Variants in XRCC4 observed in about 807,000 individuals in gnomAD.
The protein encoded by XRCC4 is DNA repair protein XRCC4.
Under a neutral mutation model 39.1 loss-of-function variants are expected in XRCC4, and 28 were observed. The observed-to-expected ratio is 0.72, with a 90% CI of 0.53 to 0.98. The LOEUF (loss-of-function observed/expected upper bound fraction) is 0.98, where lower values mean the gene tolerates loss of function less well. Among genes scored for constraint, XRCC4 ranks in the 50% least tolerant of loss-of-function variants. The probability of loss-of-function intolerance (pLI) is 0.00; values close to 1 mark genes in which losing one functional copy is unlikely to be tolerated. For synonymous variants in XRCC4, 123 were observed against 126.4 expected (o/e 0.97, Z 0.18); for missense variants, 350 against 376.4 (o/e 0.93, Z 0.58).
chr5:83,091,407 A>C (rs1030476778), intron 1 of XRCC4, among the ~76,000 whole-genome samples: 2 of 152,168 alleles, frequency 1.3e-5, no homozygotes, highest in African/African-American at 4.8e-5. Context: ...GCATGGGGGA[A>C]GTCGTCCCTG....
chr5:83,297,516 A>G (rs972525608), intron 7 of XRCC4, among the ~76,000 whole-genome samples: 21 of 152,008 alleles, frequency 1.4e-4, no homozygotes, highest in African/African-American at 4.6e-4. Flanking sequence ...TTAAATGAAT[A>G]CACCAATACA....
intron 7 of XRCC4, among the ~76,000 whole-genome samples, chr5:83,292,351 A>G (rs1386717131): frequency 6.6e-6 from 1 of 151,972 alleles, no homozygotes; most frequent in Non-Finnish European, 1.5e-5. Context: ...GTTTCTGATT[A>G]TAATTATTAT....
intron 7 of XRCC4, among the ~76,000 whole-genome samples, chr5:83,324,802 A>C (rs1756193895): frequency 1.3e-5 from 2 of 152,106 alleles, no homozygotes; most frequent in African/African-American, 4.8e-5. Flanking sequence ...AGGGAGAGTA[A>C]AGATTTTGAT....
At chr5:83,125,479 C>G (rs942579589) in intron 3 of XRCC4, among the ~76,000 whole-genome samples, 21 of 152,160 alleles carry the variant, frequency 1.4e-4, no homozygotes, top group Non-Finnish European at 1.5e-5. Flanking sequence ...GGTTGAGGTT[C>G]ACTTTCTTGG....
intron 7 of XRCC4, among the ~76,000 whole-genome samples, chr5:83,293,806 G>A (rs866993289): frequency 3.9e-5 from 6 of 151,954 alleles, no homozygotes; most frequent in Non-Finnish European, 8.8e-5. Context: ...GTGTGTTTAT[G>A]TCAGATCCTA....
intron 1 of XRCC4, among the ~76,000 whole-genome samples, chr5:83,080,284 T>C (rs1372201879): frequency 6.6e-6 from 1 of 152,152 alleles, no homozygotes; most frequent in African/African-American, 2.4e-5. Flanking sequence ...TCCAGCACTT[T>C]GGGAGACCAA....
At chr5:83,345,355 A>C (rs1756886534) in intron 7 of XRCC4, among the ~76,000 whole-genome samples, 1 of 152,106 alleles carries the variant, frequency 6.6e-6, no homozygotes, top group South Asian at 2.1e-4. Flanking sequence ...TTCTCACTTA[A>C]GTGTTTAATT....
At chr5:83,125,905 C>T (rs1747237254) in intron 3 of XRCC4, among the ~76,000 whole-genome samples, 1 of 150,536 alleles carries the variant, frequency 6.6e-6, no homozygotes, top group Admixed American at 6.7e-5. Flanking sequence ...ATTGCTTCTA[C>T]CTGGGAGGCA....
chr5:83,290,281 T>C (rs1754875166), intron 7 of XRCC4, among the ~76,000 whole-genome samples: 1 of 151,806 alleles, frequency 6.6e-6, no homozygotes, highest in Non-Finnish European at 1.5e-5. Flanking sequence ...AATAAATTTA[T>C]TTAATCCATA....
rs930319155 is a variant in XRCC4, at chr5:83,268,431, A to T, written c.893+9754A>T. Among the ~76,000 whole-genome samples the T allele has an allele frequency of 1.1e-4, 16 of 152,268 alleles. No homozygotes were observed. The East Asian group carries it at 2.9e-3, about 28-fold the overall frequency. On this transcript the variant is annotated intron_variant, in intron 7 of 7. Coordinates refer to ENST00000396027, the MANE Select transcript of XRCC4 (RefSeq NM_003401.5). ...TATATTTATCTACTCAAATATATAT[A>T]TTGTGATGCATTGATATTATATCAT...
intron 6 of XRCC4, among the ~76,000 whole-genome samples, chr5:83,234,908 A>G (rs975578181): frequency 1.3e-5 from 2 of 151,632 alleles, no homozygotes; most frequent in Non-Finnish European, 2.9e-5. Context: ...ATATATTTGT[A>G]TATGATGTAG....
At chr5:83,311,066 C>A (rs145946433) in intron 7 of XRCC4, 1 of 245,486 alleles carries the variant, frequency 4.1e-6, no homozygotes, top group Non-Finnish European at 8.4e-6. Flanking sequence ...TTGTATTAAG[C>A]CATCAAGTTT....
chr5:83,331,274 C>T (rs1756429857), intron 7 of XRCC4, among the ~76,000 whole-genome samples: 1 of 152,086 alleles, frequency 6.6e-6, no homozygotes, highest in South Asian at 2.1e-4. Flanking sequence ...GATTATGTAA[C>T]AAGGTAGACA....
chr5:83,340,518 C>G (rs978454862), intron 7 of XRCC4, among the ~76,000 whole-genome samples: 1 of 152,046 alleles, frequency 6.6e-6, no homozygotes, highest in African/African-American at 2.4e-5. Context: ...AGAGATAAGA[C>G]TAAGCAAGCA....
chr5:83,098,259 A>G (rs1745769622), intron 1 of XRCC4, among the ~76,000 whole-genome samples: 2 of 152,136 alleles, frequency 1.3e-5, no homozygotes, highest in Admixed American at 1.3e-4. Flanking sequence ...CTAAAGCATC[A>G]GATTAATTTA....
At chr5:83,084,721 A>G (rs561103300) in intron 1 of XRCC4, among the ~76,000 whole-genome samples, 51 of 152,280 alleles carry the variant, frequency 3.3e-4, no homozygotes, top group African/African-American at 1.1e-3. Flanking sequence ...ACGTAGCACA[A>G]AATTAGGTAA....
chr5:83,157,770 A>G (rs937771816), intron 3 of XRCC4, among the ~76,000 whole-genome samples: 2 of 152,116 alleles, frequency 1.3e-5, no homozygotes, highest in Admixed American at 6.6e-5. Context: ...ATGTAAGAGG[A>G]AAGTTAAGAA....
At chr5:83,283,205 T>C (rs1480180128) in intron 7 of XRCC4, among the ~76,000 whole-genome samples, 2 of 152,202 alleles carry the variant, frequency 1.3e-5, no homozygotes, top group East Asian at 1.9e-4. Flanking sequence ...CTACTAAGTA[T>C]AGGTTATAAA....
chr5:83,127,280 C>T (rs1163361304), intron 3 of XRCC4, among the ~76,000 whole-genome samples: 1 of 152,084 alleles, frequency 6.6e-6, no homozygotes, highest in African/African-American at 2.4e-5. Context: ...GCTATTTCCC[C>T]ACCCAAATCT....
Sources: gnomAD v4.1 joint callset for allele counts (sites outside exome capture counted in the v4.1 genomes callset) on GRCh38, gnomAD v4.1.1 for gene constraint, MANE v1.5 for transcripts, NCBI Gene and HGNC (gene_info 2026-07-23, HGNC 2026-07-21) for gene names.